The following ELAVL4 variants were observed in gnomAD, a reference collection of about 807,000 sequenced individuals.
ELAVL4 encodes the protein ELAV like RNA binding protein 4.
Under a neutral mutation model 35.6 loss-of-function variants are expected in ELAVL4, and 1 was observed. The ratio of observed to expected loss-of-function variants is 0.03; its 90% CI spans 0.01 to 0.13. The LOEUF is 0.13. Among genes scored for constraint, ELAVL4 ranks in the 10% least tolerant of loss-of-function variants. ELAVL4 has a pLI of 1.00. For synonymous variants in ELAVL4, 156 were observed against 171.0 expected (o/e 0.91, Z 0.69); for missense variants, 267 against 464.9 (o/e 0.57, Z 3.91).
At chr1:50,144,875 C>CA in intron 1 of ELAVL4, 82 bp from the exon 2 acceptor site, 4 of 1,566,012 alleles carry the variant, frequency 2.6e-6, no homozygotes, top group Non-Finnish European at 3.4e-6. Flanking sequence ...TCTTTCTTTT[C>CA]AAAAAAATTA....
intron 1 of ELAVL4, among the ~76,000 whole-genome samples, chr1:50,133,640 AAAG>A (rs1426300893): frequency 6.7e-6 from 1 of 148,498 alleles, no homozygotes; most frequent in East Asian, 2.0e-4. Context: ...AGAAAGAAAG[AAAG>A]AAAGAAAGAG....
chr1:50,162,776 G>A (rs1356675046), intron 2 of ELAVL4, among the ~76,000 whole-genome samples: 2 of 152,138 alleles, frequency 1.3e-5, no homozygotes, highest in Non-Finnish European at 2.9e-5. Flanking sequence ...TAGAGACAGG[G>A]TTTTGCTATG....
intron 1 of ELAVL4, among the ~76,000 whole-genome samples, chr1:50,068,991 T>G (rs1664391575): frequency 6.6e-6 from 1 of 152,224 alleles, no homozygotes; most frequent in Admixed American, 6.5e-5. Flanking sequence ...TTATTTATTT[T>G]AGAGAGAATA....
intron 2 of ELAVL4, among the ~76,000 whole-genome samples, chr1:50,165,993 A>T (rs889779512): frequency 6.6e-6 from 1 of 152,054 alleles, no homozygotes; most frequent in East Asian, 1.9e-4. Context: ...CCAGCACAGG[A>T]GAAAGATGTA....
intron 3 of ELAVL4, among the ~76,000 whole-genome samples, chr1:50,183,501 AC>A (rs1167305854): frequency 3.9e-5 from 6 of 152,102 alleles, no homozygotes; most frequent in Non-Finnish European, 1.5e-5. Context: ...AGAAGGAAAC[AC>A]CTTCCTTCTC....
At chr1:50,174,321 G>T (rs1478205769) in intron 2 of ELAVL4, 4 of 152,146 alleles carry the variant, frequency 2.6e-5, no homozygotes, top group Admixed American at 6.5e-5. Flanking sequence ...TGTGGTACCA[G>T]ACTATCTCAT....
chr1:50,136,365 A>G (rs1671887040), intron 1 of ELAVL4, among the ~76,000 whole-genome samples: 1 of 152,168 alleles, frequency 6.6e-6, no homozygotes, highest in African/African-American at 2.4e-5. Flanking sequence ...TCAGAATTTT[A>G]CAAGGGTTAA....
rs1644437142 is a variant in ELAVL4 at position 50,202,736 on chromosome 1, G to A, written c.*1558G>A. 6.6e-6 allele frequency: 1 copy of A among 152,096 alleles called. No individual in the cohort carries two copies. The highest frequency in any genetic ancestry group is 2.1e-4 in the South Asian group (1 of 4,828). The allele number at this position is 152,096 out of a possible 1,614,324, so 9.4% of individuals were successfully genotyped here. A position where few individuals can be genotyped will look rare whatever the true frequency, so the allele number is the denominator to read the frequency against. ...TATTATAAGTTGTAACACTTGGCTA[G>A]TTTTGTTTGTATATGTCTTAAAATG... On this transcript the variant is annotated 3_prime_UTR_variant, in exon 7 of 7. Coordinates refer to ENST00000371824, the MANE Select transcript of ELAVL4 (RefSeq NM_001144774.3).
chr1:50,170,307 T>C (rs1295174978), intron 2 of ELAVL4, among the ~76,000 whole-genome samples: 1 of 152,186 alleles, frequency 6.6e-6, no homozygotes, highest in African/African-American at 2.4e-5. Flanking sequence ...ATGAGTTTAT[T>C]GGAGCAGAAA....
intron 2 of ELAVL4, among the ~76,000 whole-genome samples, chr1:50,149,996 T>C (rs1178430289): frequency 6.6e-6 from 1 of 152,132 alleles, no homozygotes; most frequent in Admixed American, 6.5e-5. Flanking sequence ...GCTGGAGCTG[T>C]TGGGGAAAGT....
intron 2 of ELAVL4, among the ~76,000 whole-genome samples, chr1:50,146,477 C>G (rs1484079849): frequency 1.3e-5 from 2 of 152,092 alleles, no homozygotes; most frequent in African/African-American, 4.8e-5. Context: ...GCATCTAGCA[C>G]AATGTCTACT....
At chr1:50,070,668 G>A (rs919414308) in intron 1 of ELAVL4, among the ~76,000 whole-genome samples, 3 of 151,080 alleles carry the variant, frequency 2.0e-5, no homozygotes, top group African/African-American at 7.3e-5. Flanking sequence ...TTGAACCCAG[G>A]AGGCGGAGGT....
intron 1 of ELAVL4, among the ~76,000 whole-genome samples, chr1:50,078,965 G>A (rs1557690499): frequency 6.6e-6 from 1 of 152,080 alleles, no homozygotes; most frequent in Admixed American, 6.5e-5. Flanking sequence ...TTTCCATTGA[G>A]TACCATCCAT....
chr1:50,135,721 A>G (rs1263097443), intron 1 of ELAVL4, among the ~76,000 whole-genome samples: 1 of 152,200 alleles, frequency 6.6e-6, no homozygotes, highest in Non-Finnish European at 1.5e-5. Flanking sequence ...CAAAGGTATT[A>G]TTAAGCTGTC....
intron 1 of ELAVL4, among the ~76,000 whole-genome samples, chr1:50,061,959 T>C (rs1445050056): frequency 4.6e-5 from 7 of 152,214 alleles, no homozygotes. Context: ...ACCCAACTAA[T>C]ACGGATAAGT....
chr1:50,094,901 T>C (rs1027702554), intron 1 of ELAVL4, among the ~76,000 whole-genome samples: 1 of 151,968 alleles, frequency 6.6e-6, no homozygotes, highest in Non-Finnish European at 1.5e-5. Flanking sequence ...TTGCACTCTA[T>C]CCTGGGCGAC....
chr1:50,108,887 G>A, upstream of ELAVL4: 2 of 1,051,962 alleles, frequency 1.9e-6, no homozygotes, highest in East Asian at 7.4e-5. Context: ...CTGACAGATG[G>A]TCCCATAAAT....
intron 1 of ELAVL4, among the ~76,000 whole-genome samples, chr1:50,055,665 A>C (rs1663622491): frequency 6.6e-6 from 1 of 151,764 alleles, no homozygotes; most frequent in Non-Finnish European, 1.5e-5. Context: ...AAATCTTTCT[A>C]CTTTGACCTT....
intron 1 of ELAVL4, among the ~76,000 whole-genome samples, chr1:50,066,643 G>A (rs890446401): frequency 1.3e-5 from 2 of 152,048 alleles, no homozygotes; most frequent in African/African-American, 4.8e-5. Context: ...ATACTATGAA[G>A]ATAAAAAATA....
Sources: allele counts gnomAD v4.1 joint callset (sites outside exome capture counted in the v4.1 genomes callset), GRCh38; gene constraint gnomAD v4.1.1; transcripts MANE v1.5; gene names NCBI Gene and HGNC (gene_info 2026-07-23, HGNC 2026-07-21).